Variants in GSDMA observed in about 807,000 individuals in gnomAD.
GSDMA encodes the protein gasdermin-A.
Under a neutral mutation model 54.3 loss-of-function variants are expected in GSDMA, and 55 were observed. The observed-to-expected ratio is 1.01, with a 90% CI of 0.82 to 1.27. The LOEUF (loss-of-function observed/expected upper bound fraction) is 1.27. GSDMA is among the 50% of genes most tolerant of loss of function. The pLI is 0.00. For missense variants in GSDMA, 542 were observed against 542.6 expected (o/e 1.00, Z 0.01); for synonymous variants, 211 against 224.7 (o/e 0.94, Z 0.54).
At chr17:39,975,353 G>A (rs1306272253) in intron 10 of GSDMA, among the ~76,000 whole-genome samples, 1 of 151,838 alleles carries the variant, frequency 6.6e-6, no homozygotes, top group Non-Finnish European at 1.5e-5. Flanking sequence ...GAAGGCTAAG[G>A]CAGGAGAATC....
At chr17:39,964,403 C>T (rs1979542338) in intron 1 of GSDMA, among the ~76,000 whole-genome samples, 1 of 151,882 alleles carries the variant, frequency 6.6e-6, no homozygotes, top group South Asian at 2.1e-4. Flanking sequence ...ACCCTGTCTC[C>T]ATTAAAAATA....
intron 4 of GSDMA, 83 bp from the exon 5 acceptor site, chr17:39,971,441 C>A: frequency 9.6e-7 from 1 of 1,041,838 alleles, no homozygotes; most frequent in Non-Finnish European, 1.5e-6. Flanking sequence ...CAGCCCTGAC[C>A]CTGCACCTCC....
rs1403821158 is a variant in GSDMA, at chr17:39,977,281, A to G, written c.*223A>G. ...ATCTGCTGATGCTTAAATTTTCTTTACTTTTCTTTTCTTTTTTTTTTTTTT... is the reference window on the plus strand; with the variant it reads ...ATCTGCTGATGCTTAAATTTTCTTTGCTTTTCTTTTCTTTTTTTTTTTTTT... On this transcript the variant is annotated 3_prime_UTR_variant, in exon 12 of 12. Coordinates refer to ENST00000301659, the MANE Select transcript of GSDMA (RefSeq NM_178171.5). 9.1e-6 allele frequency: 3 copies of G among 328,414 alleles called. No individual in the cohort carries two copies. The East Asian group carries it at 1.5e-4, about 16-fold the overall frequency. 20.3% of individuals were successfully genotyped at this position (328,414 alleles called of 1,614,324 possible). A position where few individuals can be genotyped will look rare whatever the true frequency, so the allele number is the denominator to read the frequency against.
intron 4 of GSDMA, 52 bp downstream of exon 4, chr17:39,970,699 TCA>T (rs1979901012): frequency 2.2e-6 from 3 of 1,344,240 alleles, no homozygotes; most frequent in Non-Finnish European, 2.9e-6. Flanking sequence ...ACACTCACAC[TCA>T]CACATACACA....
At position 39,970,431 on chromosome 17, in the gene GSDMA, TAC is replaced by T. The variant is rs1979877117; in HGVS notation, c.393-49_393-48del. 2.1e-6 allele frequency: 3 copies of T among 1,460,992 alleles called. No homozygotes were observed. The Admixed American group carries it at 7.0e-5, about 34-fold the overall frequency. The allele number at this position is 1,460,992 out of a possible 1,614,324, so 90.5% of individuals were successfully genotyped here. A position where few individuals can be genotyped will look rare whatever the true frequency, so the allele number is the denominator to read the frequency against. On this transcript the variant is annotated intron_variant, in intron 3 of 11. Coordinates refer to ENST00000301659, the MANE Select transcript of GSDMA (RefSeq NM_178171.5). Reference sequence around the variant, plus strand: ...GACAGAAGGAAAGAGGAGGGTGTGGTACAGGCAGGAAGGAGCTCTGAACGGTT... The same window carrying T: ...GACAGAAGGAAAGAGGAGGGTGTGGTAGGCAGGAAGGAGCTCTGAACGGTT...
rs756261222 is a variant in GSDMA at position 39,966,266 on chromosome 17, C to T, written c.221C>T (p.Thr74Ile). The change falls in exon 3 of 12, where the codon ACA (threonine) becomes ATA (isoleucine). Residue 74 changes from threonine to isoleucine, a missense_variant. Transcript: ENST00000301659. ...LEPGSSPSDP[T>I]DTGNFGFKNM... is the part of the protein sequence containing the mutation. The stretch of plus-strand genomic sequence containing the variant: ...TGTCTTTTCCCTCCTGCAGACCCAA[C>T]AGACACTGGGAATTTTGGCTTTAAG... The T allele has an allele frequency of 1.9e-6, 3 of 1,613,948 alleles. No homozygotes were observed. The highest frequency in any genetic ancestry group is 3.3e-5 in the Admixed American group (2 of 60,014).
At position 39,974,289 on chromosome 17, in the gene GSDMA, C is replaced by T. The variant is rs375418156; in HGVS notation, c.768C>T (p.Gly256=). The change falls in exon 9 of 12, where the codon GGC becomes GGT. Residue 256 remains glycine, a synonymous_variant. Coordinates refer to ENST00000301659, the MANE Select transcript of GSDMA (RefSeq NM_178171.5). ...QASDVGDVHE[G]FRTLKEEVQR... ...TCCCCATAGGGGACGTACACGAAGG[C>T]TTCAGGACACTAAAAGAAGAAGTTC... 8.1e-6 allele frequency: 13 copies of T among 1,611,050 alleles called. No individual in the cohort carries two copies. Among genetic ancestry groups the T allele is most frequent in the Non-Finnish European group, 1.0e-5 (12 of 1,178,796 alleles).
At chr17:39,976,433 C>T (rs796642608) in intron 11 of GSDMA, among the ~76,000 whole-genome samples, 166 of 152,174 alleles carry the variant, frequency 1.1e-3, no homozygotes, top group African/African-American at 3.8e-3. Context: ...CGCCCACCAC[C>T]ACACCCTGCT....
At chr17:39,968,435 C>T (rs1979778065) in intron 3 of GSDMA, among the ~76,000 whole-genome samples, 1 of 149,882 alleles carries the variant, frequency 6.7e-6, no homozygotes, top group African/African-American at 2.5e-5. Flanking sequence ...GCAACCTCCG[C>T]TTCCCAGGTT....
At chr17:39,972,278 AG>A in intron 6 of GSDMA, 102 bp downstream of exon 6, 1 of 832,114 alleles carries the variant, frequency 1.2e-6, no homozygotes, top group Admixed American at 2.3e-5. Flanking sequence ...TAATCCCCCA[AG>A]GAGCCTCTGC....
chr17:39,975,446 CA>C (rs10623843), intron 10 of GSDMA, among the ~76,000 whole-genome samples: 25 of 147,106 alleles, frequency 1.7e-4, no homozygotes, highest in Middle Eastern at 3.5e-3. Flanking sequence ...GAGACTCCAT[CA>C]AAAAAAAAAA....
At chr17:39,971,667 C>A in intron 5 of GSDMA, 47 bp downstream of exon 5, 1 of 1,421,636 alleles carries the variant, frequency 7.0e-7, no homozygotes, top group Non-Finnish European at 9.9e-7. Flanking sequence ...GAATTACCTG[C>A]ACCAGTACTG....
chr17:39,975,261 C>CA (rs1205366279), intron 10 of GSDMA, among the ~76,000 whole-genome samples: 1 of 152,070 alleles, frequency 6.6e-6, no homozygotes, highest in Non-Finnish European at 1.5e-5. Flanking sequence ...TCAGCCTGGC[C>CA]AACATGGTGA....
chr17:39,964,312 T>TA (rs1307286999), intron 1 of GSDMA, among the ~76,000 whole-genome samples: 2 of 152,150 alleles, frequency 1.3e-5, no homozygotes, highest in African/African-American at 4.8e-5. Context: ...CTCACACCTG[T>TA]AATCACAGTA....
At chr17:39,966,563 G>A (rs1363791582) in intron 3 of GSDMA, 126 bp downstream of exon 3, 2 of 851,810 alleles carry the variant, frequency 2.3e-6, no homozygotes, top group African/African-American at 3.6e-5. Context: ...GTCATGACAG[G>A]GGAGCTCTTG....
chr17:39,972,229 T>C, intron 6 of GSDMA, 53 bp downstream of exon 6: 5 of 1,248,120 alleles, frequency 4.0e-6, no homozygotes, highest in Non-Finnish European at 5.8e-6. Flanking sequence ...CCCCTGACAT[T>C]ATCTGCCAAA....
chr17:39,966,496 G>T (rs1252755040), intron 3 of GSDMA, 59 bp downstream of exon 3: 1 of 1,426,698 alleles, frequency 7.0e-7, no homozygotes, highest in Non-Finnish European at 9.5e-7. Flanking sequence ...GCATGGAAAT[G>T]GTGCTTGGGG....
In GSDMA at chr17:39,976,840, T is replaced by G; in HGVS notation, c.1120T>G (p.Phe374Val). 1 of 1,614,020 alleles carries G rather than the reference T, an allele frequency of 6.2e-7. No homozygotes were observed. The highest frequency in any genetic ancestry group is 8.5e-7 in the Non-Finnish European group (1 of 1,179,892). ...GGTGGAGAGCACGATGGAACAGAAC[T>G]TCCTGCTGGATAAAGAGGGTGTTTT... The part of the protein sequence containing the change: ...KLVESTMEQN[F>V]LLDKEGVFPL... Residue 374 changes from phenylalanine (F) to valine (V), a missense_variant, in exon 12 of 12, where the codon TTC becomes GTC. Coordinates refer to ENST00000301659, the MANE Select transcript of GSDMA (RefSeq NM_178171.5).
In GSDMA at chr17:39,977,127, C is replaced by T. The variant is rs983965749; in HGVS notation, c.*69C>T. The T allele has an allele frequency of 8.4e-6, 13 of 1,545,958 alleles. No homozygotes were observed. Among genetic ancestry groups the T allele is most frequent in the Non-Finnish European group, 1.1e-5 (13 of 1,132,036 alleles). Reference sequence around the variant, plus strand: ...ACCTCGTGGTGCTGTGTCCTTACCACCTAAGGGCATTTCAGAGCCATCAGC... The same window carrying T: ...ACCTCGTGGTGCTGTGTCCTTACCATCTAAGGGCATTTCAGAGCCATCAGC... On this transcript the variant is annotated 3_prime_UTR_variant, in exon 12 of 12. Transcript: ENST00000301659.
Sources: allele counts gnomAD v4.1 joint callset (sites outside exome capture counted in the v4.1 genomes callset), GRCh38; gene constraint gnomAD v4.1.1; transcripts MANE v1.5; gene names NCBI Gene and HGNC (gene_info 2026-07-23, HGNC 2026-07-21).